The following FER variants were observed in gnomAD, a reference collection of about 807,000 sequenced individuals.
The protein encoded by FER is FER tyrosine kinase.
A neutral mutation model predicts 111.0 loss-of-function variants in FER; 63 were observed. The observed-to-expected ratio is 0.57, with a 90% CI of 0.46 to 0.70. FER has a LOEUF of 0.70. Ranked by LOEUF, FER falls within the 30% of genes least tolerant of loss-of-function variation. The pLI, the probability that FER is intolerant of heterozygous loss-of-function variation, is 0.00. For missense variants in FER, 914 were observed against 954.0 expected, an observed-to-expected ratio of 0.96 and a Z score of 0.55; for synonymous variants, 327 against 313.9, an observed-to-expected ratio of 1.04 and a Z score of -0.44.
At position 108,832,750 on chromosome 5, in the gene FER, C is replaced by CTTTTT; in HGVS notation, c.208-8_208-4dup. The stretch of plus-strand genomic sequence containing the variant: ...AAACCTTTAATGCAAATGTTTGTTT[C>CTTTTT]TTTTTTTTTTTTTTTTAAGTCTTGG... On this transcript the variant is annotated intron_variant, in intron 3 of 19. Coordinates refer to ENST00000281092, the MANE Select transcript of FER (RefSeq NM_005246.4). 7.8e-7 allele frequency: 1 copy of CTTTTT among 1,283,722 alleles called. No individual in the cohort carries two copies. The highest frequency in any genetic ancestry group is 1.0e-6 in the Non-Finnish European group (1 of 980,082). The allele number at this position is 1,283,722 out of a possible 1,614,324, so 79.5% of individuals were successfully genotyped here.
At chr5:109,021,431 T>C (rs552374832) in intron 13 of FER, among the ~76,000 whole-genome samples, 2 of 152,186 alleles carry the variant, frequency 1.3e-5, no homozygotes, top group Non-Finnish European at 2.9e-5. Flanking sequence ...ATTTAATGGA[T>C]TGTAGACTCA....
In FER at chr5:108,897,723, A is replaced by G; in HGVS notation, c.1111A>G (p.Arg371Gly). 1 of 1,613,634 alleles carries G rather than the reference A, an allele frequency of 6.2e-7. No homozygotes were observed. Among genetic ancestry groups the G allele is most frequent in the Non-Finnish European group, 8.5e-7 (1 of 1,179,732 alleles). Residue 371 changes from arginine (R) to glycine (G), a missense_variant, in exon 10 of 20, where the codon AGA becomes GGA. This residue lies in a region of FER where 774 missense variants were observed against 782.6 expected (regional missense o/e 0.99). Coordinates refer to ENST00000281092, the MANE Select transcript of FER (RefSeq NM_005246.4). Reference sequence around the variant, plus strand: ...ACTGAAACAGTCAGTCCAGCAGCTGAGATGCACTGAAGCAAAGTTTTCAGC... The same window carrying G: ...ACTGAAACAGTCAGTCCAGCAGCTGGGATGCACTGAAGCAAAGTTTTCAGC... ...EELKQSVQQL[R>G]CTEAKFSAQK...
At chr5:108,864,492 G>A (rs1299164564) in intron 5 of FER, among the ~76,000 whole-genome samples, 4 of 152,114 alleles carry the variant, frequency 2.6e-5, no homozygotes, top group Non-Finnish European at 5.9e-5. Context: ...TGGTTGCTGA[G>A]CCTAAGCAGA....
intron 17 of FER, among the ~76,000 whole-genome samples, chr5:109,137,299 T>C (rs1448116347): frequency 6.6e-6 from 1 of 152,194 alleles, no homozygotes; most frequent in South Asian, 2.1e-4. Context: ...TGTCTCTTCT[T>C]CAACTATGTA....
At chr5:108,788,671 G>A (rs1302932916) in intron 2 of FER, among the ~76,000 whole-genome samples, 1 of 151,390 alleles carries the variant, frequency 6.6e-6, no homozygotes, top group African/African-American at 2.4e-5. Flanking sequence ...TTTTATCCTT[G>A]ACTCTCTGCT....
At chr5:109,023,662 CTTTTTT>C (rs202160689) in intron 13 of FER, among the ~76,000 whole-genome samples, 1 of 148,264 alleles carries the variant, frequency 6.7e-6, no homozygotes, top group African/African-American at 2.5e-5. Context: ...TTTTTTGTAA[CTTTTTT>C]TTTTTAATTT....
chr5:109,095,352 C>T (rs901895876), intron 16 of FER, among the ~76,000 whole-genome samples: 11 of 151,956 alleles, frequency 7.2e-5, no homozygotes, highest in African/African-American at 2.7e-4. Context: ...CCCCACAAAC[C>T]GACCCAATTC....
At chr5:108,804,870 G>A (rs1757032454) in intron 3 of FER, among the ~76,000 whole-genome samples, 1 of 151,774 alleles carries the variant, frequency 6.6e-6, no homozygotes, top group African/African-American at 2.4e-5. Context: ...GAATTAGGTA[G>A]AATTCCCTCC....
chr5:108,937,586 C>T (rs143370654), intron 10 of FER, among the ~76,000 whole-genome samples: 5 of 151,824 alleles, frequency 3.3e-5, no homozygotes, highest in Non-Finnish European at 7.4e-5. Flanking sequence ...CATTTAATGA[C>T]CTGGTAGAGG....
At chr5:108,754,046 AG>A (rs774326270) in intron 1 of FER, among the ~76,000 whole-genome samples, 24 of 152,320 alleles carry the variant, frequency 1.6e-4, no homozygotes, top group Non-Finnish European at 2.8e-4. Flanking sequence ...ATTAGAATGC[AG>A]ATGATTGAGA....
At chr5:108,767,179 CT>C (rs1294659251) in intron 1 of FER, among the ~76,000 whole-genome samples, 2 of 152,088 alleles carry the variant, frequency 1.3e-5, no homozygotes, top group African/African-American at 4.8e-5. Flanking sequence ...TGGTGCATGC[CT>C]GTAATCCCAG....
chr5:108,801,838 T>A (rs1228821232), intron 3 of FER, among the ~76,000 whole-genome samples: 1 of 152,152 alleles, frequency 6.6e-6, no homozygotes, highest in Non-Finnish European at 1.5e-5. Flanking sequence ...ATCCTTGCAG[T>A]TTGGGGCTAT....
intron 10 of FER, among the ~76,000 whole-genome samples, chr5:108,921,785 A>T (rs1459837614): frequency 6.6e-6 from 1 of 152,240 alleles, no homozygotes; most frequent in East Asian, 1.9e-4. Flanking sequence ...GTTTAAAATC[A>T]GAAATCAAAC....
intron 13 of FER, among the ~76,000 whole-genome samples, chr5:109,022,819 C>A (rs556518296): frequency 1.3e-5 from 2 of 152,012 alleles, no homozygotes; most frequent in Non-Finnish European, 1.5e-5. Context: ...TAACCAGATG[C>A]TTCATCTGCA....
rs189477715 is a variant in FER at position 108,997,436 on chromosome 5, G to A, written c.1656+38089G>A. On this transcript the variant is annotated intron_variant, in intron 13 of 19. Transcript: ENST00000281092. Reference sequence around the variant, plus strand: ...TGTCTCAAAAAAAAAAAAAAAAAGAGATTTTGGGCTGAGACGATGGGGTTT... The same window carrying A: ...TGTCTCAAAAAAAAAAAAAAAAAGAAATTTTGGGCTGAGACGATGGGGTTT... 6.6e-3 allele frequency among the ~76,000 whole-genome samples: 978 copies of A among 148,624 alleles called. 3 individuals are homozygous for A. The highest frequency in any genetic ancestry group is 0.014 in the Middle Eastern group (4 of 288).
chr5:109,026,768 TC>T (rs1768799618), intron 13 of FER, among the ~76,000 whole-genome samples: 1 of 152,166 alleles, frequency 6.6e-6, no homozygotes, highest in African/African-American at 2.4e-5. Flanking sequence ...AACTTCCGCC[TC>T]CCGGGTTCAA....
intron 18 of FER, among the ~76,000 whole-genome samples, chr5:109,184,527 A>G (rs1758645658): frequency 6.6e-6 from 1 of 152,264 alleles, no homozygotes; most frequent in South Asian, 2.1e-4. Flanking sequence ...TTTATATGTA[A>G]TATGTCTTTA....
chr5:108,853,840 C>T (rs530964309), intron 5 of FER, among the ~76,000 whole-genome samples: 5 of 152,060 alleles, frequency 3.3e-5, no homozygotes, highest in African/African-American at 9.7e-5. Flanking sequence ...AGAGGAGTGA[C>T]GTGAATGAAC....
chr5:108,954,335 GAAAT>G (rs1758148930), intron 11 of FER, among the ~76,000 whole-genome samples: 1 of 152,074 alleles, frequency 6.6e-6, no homozygotes, highest in Non-Finnish European at 1.5e-5. Flanking sequence ...ACATAAAAAA[GAAAT>G]AACTCAACTT....
Sources: allele counts gnomAD v4.1 joint callset (sites outside exome capture counted in the v4.1 genomes callset), GRCh38; gene constraint gnomAD v4.1.1; regional missense constraint gnomAD v4.1.1; transcripts MANE v1.5; gene names NCBI Gene and HGNC (gene_info 2026-07-23, HGNC 2026-07-21).